Variants in PALM2AKAP2 observed in about 807,000 individuals in gnomAD.
The protein encoded by PALM2AKAP2 is PALM2 and AKAP2 fusion.
In PALM2AKAP2, 37 loss-of-function variants were observed where a neutral mutation model predicts 71.5. The observed-to-expected ratio is 0.52, with a 90% CI of 0.40 to 0.68. The LOEUF is 0.68. PALM2AKAP2 is among the 30% of genes least tolerant of loss of function. PALM2AKAP2 has a pLI of 0.00. For synonymous variants in PALM2AKAP2, 468 were observed against 478.8 expected (o/e 0.98, Z 0.29); for missense variants, 1,224 against 1,191.8 (o/e 1.03, Z -0.40).
chr9:109,866,675 A>G (rs1460499890), intron 1 of PALM2AKAP2, among the ~76,000 whole-genome samples: 1 of 152,206 alleles, frequency 6.6e-6, no homozygotes, highest in Non-Finnish European at 1.5e-5. Context: ...TGTGCCAGGT[A>G]TTGTTCTAGG....
rs1045709995 is a variant in PALM2AKAP2 at position 110,020,439 on chromosome 9, G to GT, written c.582+4401dup. 3.7e-4 allele frequency among the ~76,000 whole-genome samples: 56 copies of GT among 151,998 alleles called. 1 individual carries two copies. Among genetic ancestry groups the GT allele is most frequent in the Admixed American group, 3.1e-3 (48 of 15,260 alleles). On this transcript the variant is annotated intron_variant, in intron 7 of 9. Coordinates refer to the PALM2AKAP2 transcript ENST00000302798. ...GGCTAATGCCTGTAATCCTAGCACT[G>GT]TGGGAGGCCGAGGTGGGTGGATCAC...
intron 6 of PALM2AKAP2, among the ~76,000 whole-genome samples, chr9:110,006,324 C>CTTTCTTTCTTTCTTTCTT (rs781207805): frequency 4.2e-4 from 43 of 102,214 alleles, no homozygotes; most frequent in African/African-American, 1.7e-3. Flanking sequence ...TTCCTTCCTT[C>CTTTCTTTCTTTCTTTCTT]TCTTTCTTTC....
At chr9:109,671,614 T>G (rs1198603756) in intron 1 of PALM2AKAP2, among the ~76,000 whole-genome samples, 1 of 152,204 alleles carries the variant, frequency 6.6e-6, no homozygotes, top group Non-Finnish European at 1.5e-5. Context: ...AATAGTTTTT[T>G]TTCTAGTTCT....
chr9:109,988,277 C>T (rs768659679), intron 6 of PALM2AKAP2, among the ~76,000 whole-genome samples: 17 of 152,294 alleles, frequency 1.1e-4, no homozygotes, highest in Admixed American at 2.0e-4. Flanking sequence ...CATATGCAGT[C>T]TTTTTAGAAT....
chr9:109,857,544 A>T (rs181087271), intron 1 of PALM2AKAP2, among the ~76,000 whole-genome samples: 1 of 152,178 alleles, frequency 6.6e-6, no homozygotes, highest in South Asian at 2.1e-4. Context: ...TTTGCCCTGG[A>T]TGGCTTTTGG....
At chr9:110,136,642 C>T (rs1416728673) in exon 2 of PALM2AKAP2, 12 of 1,614,130 alleles carry the variant, frequency 7.4e-6, no homozygotes, top group Admixed American at 1.7e-5. Context: ...ATGGCCATTC[C>T]CCCAGCCAGC....
chr9:110,119,020 G>A (rs1041946420), intron 1 of PALM2AKAP2, among the ~76,000 whole-genome samples: 10 of 152,094 alleles, frequency 6.6e-5, no homozygotes, highest in Non-Finnish European at 1.3e-4. Flanking sequence ...GAGTTCTTCT[G>A]TTCTTTTAAA....
chr9:109,877,610 T>C (rs1829748101), intron 2 of PALM2AKAP2, among the ~76,000 whole-genome samples: 1 of 152,192 alleles, frequency 6.6e-6, no homozygotes, highest in African/African-American at 2.4e-5. Context: ...AGTAAACATT[T>C]CTATAGTACT....
intron 1 of PALM2AKAP2, among the ~76,000 whole-genome samples, chr9:109,702,733 A>G (rs957648226): frequency 2.0e-5 from 3 of 150,114 alleles, no homozygotes; most frequent in African/African-American, 7.4e-5. Context: ...CATGTGCCCT[A>G]AAACTTAAGG....
intron 6 of PALM2AKAP2, among the ~76,000 whole-genome samples, chr9:110,000,540 G>A (rs960025920): frequency 6.6e-6 from 1 of 152,148 alleles, no homozygotes; most frequent in Non-Finnish European, 1.5e-5. Context: ...TAATGGGATG[G>A]CTGGGTCAAA....
At chr9:110,121,784 T>A (rs1409967143) in intron 1 of PALM2AKAP2, among the ~76,000 whole-genome samples, 1 of 152,202 alleles carries the variant, frequency 6.6e-6, no homozygotes, top group East Asian at 1.9e-4. Context: ...TTAAAATCCC[T>A]CTCAGCAAAA....
chr9:109,966,882 G>A (rs150215102), intron 6 of PALM2AKAP2, among the ~76,000 whole-genome samples: 188 of 152,328 alleles, frequency 1.2e-3, no homozygotes, highest in Middle Eastern at 3.4e-3. Context: ...GGTGCCGCGG[G>A]TCTGCCGGCC....
chr9:109,862,956 G>A, intron 1 of PALM2AKAP2: 2 of 510,872 alleles, frequency 3.9e-6, no homozygotes, highest in South Asian at 1.4e-5. Context: ...CATGGCTTGA[G>A]ATGAAGCTGT....
intron 1 of PALM2AKAP2, among the ~76,000 whole-genome samples, chr9:110,055,896 TC>T (rs1833829273): frequency 6.6e-6 from 1 of 152,130 alleles, no homozygotes; most frequent in Non-Finnish European, 1.5e-5. Flanking sequence ...CACAGCAAGT[TC>T]CAGCAAGAGA....
intron 1 of PALM2AKAP2, among the ~76,000 whole-genome samples, chr9:109,798,063 G>C (rs1827314723): frequency 6.9e-6 from 1 of 145,436 alleles, no homozygotes. Flanking sequence ...TGAGGGTTGT[G>C]AGGAAGGATC....
intron 1 of PALM2AKAP2, among the ~76,000 whole-genome samples, chr9:109,764,967 C>T (rs538439963): frequency 1.8e-4 from 28 of 152,280 alleles, no homozygotes; most frequent in African/African-American, 6.5e-4. Context: ...ATATCTTTGT[C>T]ATATAAATAA....
intron 6 of PALM2AKAP2, among the ~76,000 whole-genome samples, chr9:110,008,830 A>T (rs1455963549): frequency 1.3e-5 from 2 of 149,894 alleles, no homozygotes; most frequent in Non-Finnish European, 3.0e-5. Flanking sequence ...TCATGTGACC[A>T]GTTCTGGCCA....
intron 1 of PALM2AKAP2, among the ~76,000 whole-genome samples, chr9:109,739,158 A>ATC (rs1356614542): frequency 5.9e-5 from 9 of 152,214 alleles, no homozygotes; most frequent in Non-Finnish European, 1.2e-4. Context: ...CTTTGAAAAC[A>ATC]TCAACTCAGA....
At chr9:109,876,973 G>A (rs1326622545) in intron 2 of PALM2AKAP2, among the ~76,000 whole-genome samples, 1 of 152,170 alleles carries the variant, frequency 6.6e-6, no homozygotes, top group African/African-American at 2.4e-5. Flanking sequence ...GAAGTGAGGG[G>A]CTAGACCCTT....
Sources: gnomAD v4.1 joint callset for allele counts (sites outside exome capture counted in the v4.1 genomes callset) on GRCh38, gnomAD v4.1.1 for gene constraint, MANE v1.5 for transcripts, NCBI Gene and HGNC (gene_info 2026-07-23, HGNC 2026-07-21) for gene names.